Variants in RTN4 observed in about 807,000 individuals in gnomAD.
RTN4 encodes reticulon 4.
A neutral mutation model predicts 90.4 loss-of-function variants in RTN4; 32 were observed. That is an observed-to-expected ratio of 0.35 (90% CI 0.27 to 0.48). The LOEUF is 0.48. Ranked by LOEUF, RTN4 falls within the 20% of genes least tolerant of loss-of-function variation. RTN4 has a pLI of 0.99. For missense variants in RTN4, 1,706 were observed against 1,430.2 expected (o/e 1.19, Z -3.11); for synonymous variants, 629 against 552.5 (o/e 1.14, Z -1.94).
At chr2:55,055,171 G>A (rs1280910038), upstream of RTN4, among the ~76,000 whole-genome samples, 1 of 151,690 alleles carries the variant, frequency 6.6e-6, no homozygotes, top group Non-Finnish European at 1.5e-5. Context: ...TTGTTTCCCT[G>A]GAGAAATTTA....
rs1250890974 is a variant in RTN4, at chr2:54,972,535, T to TGACTC, written c.*616_*620dup. On this transcript the variant is annotated 3_prime_UTR_variant, in exon 9 of 9. Coordinates refer to ENST00000337526, the MANE Select transcript of RTN4 (RefSeq NM_020532.5). ...GAACTACACATGTATAACCAATGAC[T>TGACTC]GACTCTGAAATATCAAGCACTGTGG... is the stretch of plus-strand genomic sequence containing the variant. 6.6e-6 allele frequency: 1 copy of TGACTC among 152,656 alleles called. No individual in the cohort carries two copies. The allele number at this position is 152,656 out of a possible 1,614,324, so 9.5% of individuals were successfully genotyped here. A position where few individuals can be genotyped will look rare whatever the true frequency, so the allele number is the denominator to read the frequency against.
At chr2:55,048,046 G>A (rs1304830389) in intron 1 of RTN4, among the ~76,000 whole-genome samples, 2 of 152,198 alleles carry the variant, frequency 1.3e-5, no homozygotes, top group African/African-American at 2.4e-5. Context: ...CCTATATGTA[G>A]GCTATATGGT....
rs145269375 is a variant in RTN4 at position 54,973,159 on chromosome 2, T to C, written c.3576A>G (p.Glu1192=). ...AKIPGLKRKA[E] Reference sequence around the variant, plus strand: ...CTACTAATTATTTTGGGCGTTTTCATTCAGCTTTGCGCTTCAATCCAGGGA... The same window carrying C: ...CTACTAATTATTTTGGGCGTTTTCACTCAGCTTTGCGCTTCAATCCAGGGA... Residue 1192 remains glutamate (E), a synonymous_variant, in exon 9 of 9, where the codon GAA becomes GAG. Transcript: ENST00000337526. 6.9e-6 allele frequency: 11 copies of C among 1,603,838 alleles called. No homozygotes were observed. The highest frequency in any genetic ancestry group is 1.3e-5 in the African/African-American group (1 of 74,940).
intron 2 of RTN4, among the ~76,000 whole-genome samples, chr2:55,066,179 G>GTGTGTGTGTT (rs1326274456): frequency 1.7e-5 from 2 of 115,800 alleles, no homozygotes; most frequent in African/African-American, 6.5e-5. Context: ...TTGTGTGTGT[G>GTGTGTGTGTT]TGTGTGTGTG....
chr2:55,127,854 T>C, the RTN4 span, among the ~76,000 whole-genome samples: 1 of 152,004 alleles, frequency 6.6e-6, no homozygotes, highest in African/African-American at 2.4e-5. Flanking sequence ...GATACTTCAG[T>C]GAAACCTTGT....
chr2:55,076,305 A>G (rs1249626359), intron 2 of RTN4, among the ~76,000 whole-genome samples: 1 of 151,968 alleles, frequency 6.6e-6, no homozygotes, highest in Non-Finnish European at 1.5e-5. Flanking sequence ...AAGAAGATAT[A>G]CAAATGGCCA....
chr2:55,043,184 C>G (rs1404134358), intron 1 of RTN4, among the ~76,000 whole-genome samples: 3 of 152,318 alleles, frequency 2.0e-5, no homozygotes, highest in Non-Finnish European at 4.4e-5. Flanking sequence ...CTACTGAGAA[C>G]TATGGTTTTA....
In RTN4 at chr2:55,027,045, T is replaced by G; in HGVS notation, c.1054A>C (p.Lys352Gln). The G allele has an allele frequency of 6.2e-7, 1 of 1,613,570 alleles. No homozygotes were observed. The highest frequency in any genetic ancestry group is 8.5e-7 in the Non-Finnish European group (1 of 1,179,816). Residue 352 changes from lysine (K) to glutamine (Q), a missense_variant, in exon 3 of 9, where the codon AAA (lysine) becomes CAA (glutamine). By Grantham distance (53) the Lys-to-Gln change is moderately conservative. Transcript: ENST00000337526. ...ACAACTTCATCCTCTTTAACCAATTTAGTAAGAGCTGTAGGTAACTCTTGT... is the reference window on the plus strand; with the variant it reads ...ACAACTTCATCCTCTTTAACCAATTGAGTAAGAGCTGTAGGTAACTCTTGT... ...NQQELPTALTKLVKEDEVVSS... is the reference protein window; with the variant it reads ...NQQELPTALTQLVKEDEVVSS...
chr2:55,095,800 G>A (rs1669022724), intron 1 of RTN4, among the ~76,000 whole-genome samples: 2 of 152,302 alleles, frequency 1.3e-5, no homozygotes, highest in African/African-American at 2.4e-5. Flanking sequence ...ATCCCATCCA[G>A]GATACCACAT....
At chr2:55,065,803 T>A (rs1387836997) in intron 2 of RTN4, among the ~76,000 whole-genome samples, 14 of 151,976 alleles carry the variant, frequency 9.2e-5, no homozygotes, top group Non-Finnish European at 1.9e-4. Context: ...ATTAGAACAA[T>A]GGTTACTGGG....
chr2:55,072,105 A>C (rs1668523399), intron 2 of RTN4, among the ~76,000 whole-genome samples: 1 of 151,866 alleles, frequency 6.6e-6, no homozygotes, highest in African/African-American at 2.4e-5. Flanking sequence ...GGTGTGCCAC[A>C]ATTGGTGTAA....
chr2:54,975,582 A>G (rs1381319954), intron 5 of RTN4, among the ~76,000 whole-genome samples: 1 of 152,200 alleles, frequency 6.6e-6, no homozygotes, highest in Non-Finnish European at 1.5e-5. Context: ...TGTCGTTGTC[A>G]TAACCCTTTA....
At chr2:55,079,607 T>A (rs920767387) in intron 2 of RTN4, among the ~76,000 whole-genome samples, 11 of 152,238 alleles carry the variant, frequency 7.2e-5, no homozygotes, top group African/African-American at 2.7e-4. Flanking sequence ...AACCTCCATC[T>A]TTTAATGTTG....
chr2:55,017,484 A>G (rs898600920), intron 3 of RTN4, among the ~76,000 whole-genome samples: 4 of 152,216 alleles, frequency 2.6e-5, no homozygotes, highest in African/African-American at 9.6e-5. Flanking sequence ...ATAATGAACA[A>G]ATAATCAATG....
intron 3 of RTN4, among the ~76,000 whole-genome samples, chr2:54,989,372 C>G (rs547374143): frequency 6.6e-6 from 1 of 152,198 alleles, no homozygotes; most frequent in African/African-American, 2.4e-5. Flanking sequence ...TATTCCCAAA[C>G]TTGTTTGTTA....
chr2:55,086,929 G>T (rs1180650739), intron 1 of RTN4, among the ~76,000 whole-genome samples: 1 of 151,572 alleles, frequency 6.6e-6, no homozygotes, highest in Non-Finnish European at 1.5e-5. Flanking sequence ...CAAAGTGCCG[G>T]GATTACAGGC....
chr2:55,061,594 A>G (rs1342762341), intron 2 of RTN4, among the ~76,000 whole-genome samples: 2 of 152,152 alleles, frequency 1.3e-5, no homozygotes, highest in Non-Finnish European at 2.9e-5. Context: ...TGCAATGTTA[A>G]AGAGACAGAA....
intron 3 of RTN4, among the ~76,000 whole-genome samples, chr2:55,002,365 C>CT (rs768672335): frequency 6.6e-6 from 1 of 152,106 alleles, no homozygotes; most frequent in African/African-American, 2.4e-5. Context: ...AGCCAGTGGT[C>CT]TTTTTTTCCT....
chr2:55,106,118 T>C (rs1204461422), intron 1 of RTN4, among the ~76,000 whole-genome samples: 1 of 152,158 alleles, frequency 6.6e-6, no homozygotes, highest in Non-Finnish European at 1.5e-5. Context: ...TTTAATATCA[T>C]ACTGTTGAGA....
Sources: allele counts gnomAD v4.1 joint callset (sites outside exome capture counted in the v4.1 genomes callset), GRCh38; gene constraint gnomAD v4.1.1; transcripts MANE v1.5; gene names NCBI Gene and HGNC (gene_info 2026-07-23, HGNC 2026-07-21).